TSHZ1: variants seen among roughly 807,000 people sequenced by gnomAD.
TSHZ1 encodes teashirt zinc finger homeobox 1, also known as teashirt homolog 1.
TSHZ1 carries 12 observed loss-of-function variants against 67.1 expected under a neutral mutation model. That is an observed-to-expected ratio of 0.18 (90% confidence interval 0.11 to 0.29). The LOEUF (loss-of-function observed/expected upper bound fraction) is 0.29, where lower values mean the gene tolerates loss of function less well. Ranked by LOEUF, TSHZ1 falls within the 10% of genes least tolerant of loss-of-function variation. The pLI, the probability that TSHZ1 is intolerant of heterozygous loss-of-function variation, is 1.00. For missense variants in TSHZ1, 1,305 were observed against 1,413.9 expected, an observed-to-expected ratio of 0.92 and a Z score of 1.23; for synonymous variants, 632 against 622.4, an observed-to-expected ratio of 1.02 and a Z score of -0.23.
In TSHZ1 at chr18:75,211,414, G is replaced by A. The variant is rs2022681698; in HGVS notation, c.-463G>A. Reference sequence around the variant, plus strand: ...CCCAAACAGCGAGGAGAGAGGGGGAGAGAAAGTTGCGCTCGGCGACTCTCG... The same window carrying A: ...CCCAAACAGCGAGGAGAGAGGGGGAAAGAAAGTTGCGCTCGGCGACTCTCG... On this transcript the variant is annotated 5_prime_UTR_variant, in exon 1 of 2. Coordinates refer to ENST00000580243, the MANE Select transcript of TSHZ1 (RefSeq NM_001308210.2). 6.6e-6 allele frequency: 1 copy of A among 151,870 alleles called. No individual in the cohort carries two copies. Among genetic ancestry groups the A allele is most frequent in the Non-Finnish European group, 1.5e-5 (1 of 67,928 alleles). 9.4% of individuals were successfully genotyped at this position (151,870 alleles called of 1,614,324 possible).
chr18:75,243,420 C>T (rs778152703), intron 1 of TSHZ1, among the ~76,000 whole-genome samples: 3 of 151,978 alleles, frequency 2.0e-5, no homozygotes, highest in Non-Finnish European at 4.4e-5. Flanking sequence ...GTGTATACCT[C>T]TCTTAATGAA....
intron 1 of TSHZ1, among the ~76,000 whole-genome samples, chr18:75,236,229 C>T (rs952815225): frequency 5.9e-5 from 9 of 152,214 alleles, no homozygotes; most frequent in African/African-American, 2.2e-4. Context: ...GTGTGTGTCT[C>T]AGCTGTTCTT....
At chr18:75,239,694 G>A (rs1417751646) in intron 1 of TSHZ1, among the ~76,000 whole-genome samples, 1 of 152,188 alleles carries the variant, frequency 6.6e-6, no homozygotes, top group Non-Finnish European at 1.5e-5. Flanking sequence ...TGTAGAGGCA[G>A]AGTCTTGCTG....
intron 1 of TSHZ1, among the ~76,000 whole-genome samples, chr18:75,244,003 A>G (rs4891249): frequency 3.3e-5 from 5 of 152,004 alleles, no homozygotes; most frequent in Admixed American, 6.5e-5. Flanking sequence ...TTTCTAATAC[A>G]TAAAGCAATA....
intron 1 of TSHZ1, among the ~76,000 whole-genome samples, chr18:75,232,068 A>G (rs909623632): frequency 2.0e-5 from 3 of 151,684 alleles, no homozygotes; most frequent in Non-Finnish European, 4.4e-5. Flanking sequence ...ACAGGCCACA[A>G]TGTCTGGCTA....
At chr18:75,221,132 C>T (rs2022840065) in intron 1 of TSHZ1, 1 of 152,164 alleles carries the variant, frequency 6.6e-6, no homozygotes, top group South Asian at 2.1e-4. Flanking sequence ...TCTGCCTCAA[C>T]TTGCTAGCTG....
intron 1 of TSHZ1, among the ~76,000 whole-genome samples, chr18:75,261,841 C>A (rs963246229): frequency 6.6e-6 from 1 of 152,142 alleles, no homozygotes. Context: ...TATAGGATAA[C>A]CTTACAAATC....
chr18:75,225,101 G>A (rs750640507), intron 1 of TSHZ1, among the ~76,000 whole-genome samples: 1 of 151,932 alleles, frequency 6.6e-6, no homozygotes, highest in South Asian at 2.1e-4. Flanking sequence ...CAACTTCTGG[G>A]CCCTCCTGCC....
intron 1 of TSHZ1, among the ~76,000 whole-genome samples, chr18:75,245,718 G>A (rs527822074): frequency 4.6e-5 from 7 of 152,252 alleles, no homozygotes; most frequent in South Asian, 2.1e-4. Flanking sequence ...CCGGGAAGTC[G>A]TTGTCTTATC....
Position 75,226,653 on chromosome 18 carries a change from G to A in TSHZ1, c.40+14737G>A, listed in dbSNP as rs542488364. On this transcript the variant is annotated intron_variant, in intron 1 of 1. Transcript: ENST00000580243. ...CCTCATACAGGGCACAGACACACTC[G>A]ATGCCAAAAAGTTGATTTCCTTTTC... 1.4e-4 allele frequency among the ~76,000 whole-genome samples: 21 copies of A among 150,218 alleles called. 1 individual carries two copies. The highest frequency in any genetic ancestry group is 3.7e-4 in the African/African-American group (15 of 40,606).
chr18:75,289,889 A>G lies in TSHZ1; in HGVS notation c.*1248A>G, dbSNP rs2023838194. On this transcript the variant is annotated 3_prime_UTR_variant, in exon 2 of 2. Transcript: ENST00000580243. Reference sequence around the variant, plus strand: ...TGTACAGTACATTTTGGTTCACACAATTAAATCCACTGTTTTCTCAGATGT... The same window carrying G: ...TGTACAGTACATTTTGGTTCACACAGTTAAATCCACTGTTTTCTCAGATGT... 6.0e-6 allele frequency: 1 copy of G among 167,124 alleles called. No individual in the cohort carries two copies. The highest frequency in any genetic ancestry group is 1.5e-5 in the Non-Finnish European group (1 of 68,126). The allele number at this position is 167,124 out of a possible 1,614,324, so 10.4% of individuals were successfully genotyped here.
chr18:75,211,809 G>C lies in TSHZ1; in HGVS notation c.-68G>C. On this transcript the variant is annotated 5_prime_UTR_variant, in exon 1 of 2. Transcript: ENST00000580243. ...GCCGCGGAGTTGCGCCCGCGCCCGG[G>C]GCCCCGCGTCCCCGCGCCCCGCGAA... 1 of 1,032,946 alleles carries C rather than the reference G, an allele frequency of 9.7e-7. No individual in the cohort carries two copies. Among genetic ancestry groups the C allele is most frequent in the Non-Finnish European group, 1.2e-6 (1 of 859,010 alleles). 64.0% of individuals were successfully genotyped at this position (1,032,946 alleles called of 1,614,324 possible).
At chr18:75,266,672 C>G (rs2023493929) in intron 1 of TSHZ1, among the ~76,000 whole-genome samples, 1 of 152,182 alleles carries the variant, frequency 6.6e-6, no homozygotes, top group Non-Finnish European at 1.5e-5. Flanking sequence ...CTACCACCTG[C>G]AGACTGCAAT....
In TSHZ1 at chr18:75,286,810, T is replaced by C; in HGVS notation, c.1403T>C (p.Ile468Thr). 6.2e-7 allele frequency: 1 copy of C among 1,613,718 alleles called. No homozygotes were observed. Residue 468 changes from isoleucine to threonine, a missense_variant, in exon 2 of 2, where the codon ATC becomes ACC. This residue lies in a region of TSHZ1 where 909 missense variants were observed against 961.8 expected (regional missense o/e 0.95). Coordinates refer to ENST00000580243, the MANE Select transcript of TSHZ1 (RefSeq NM_001308210.2). The surrounding 1 kb of genome is among the most constrained non-coding windows in gnomAD (Gnocchi z 5.1). ...GTGGTGGAAGAGAAGATCCAGTCCATCCCACTACCGCCCACCACCCACACG... is the reference window on the plus strand; with the variant it reads ...GTGGTGGAAGAGAAGATCCAGTCCACCCCACTACCGCCCACCACCCACACG... ...DPVVEEKIQS[I>T]PLPPTTHTRL...
At chr18:75,258,566 A>G (rs1434578234) in intron 1 of TSHZ1, among the ~76,000 whole-genome samples, 1 of 152,210 alleles carries the variant, frequency 6.6e-6, no homozygotes, top group Non-Finnish European at 1.5e-5. Flanking sequence ...CTAGAGAATG[A>G]CTTTCTGTAA....
chr18:75,244,922 GT>G, intron 1 of TSHZ1, among the ~76,000 whole-genome samples: 1 of 152,160 alleles, frequency 6.6e-6, no homozygotes, highest in South Asian at 2.1e-4. Flanking sequence ...ATATGTGAAC[GT>G]TTGTCTCTTC....
rs35073557 is a variant in TSHZ1, at chr18:75,288,176, G to A, written c.2769G>A (p.Pro923=). The change falls in exon 2 of 2, where the codon CCG becomes CCA. Residue 923 remains proline, a synonymous_variant. Coordinates refer to ENST00000580243, the MANE Select transcript of TSHZ1 (RefSeq NM_001308210.2). The surrounding 1 kb of genome is among the most constrained non-coding windows in gnomAD (Gnocchi z 4.9). ...AGTACATCATGTCGGACTTGGGCCC[G>A]CAGGAGAGGGTGCACATCTCGAAGT... ...EGKYIMSDLG[P]QERVHISKFT... The A allele has an allele frequency of 2.5e-3, 4,015 of 1,614,156 alleles. 81 individuals are homozygous for A. In the African/African-American group the frequency reaches 0.046, roughly 19 times the overall value.
Position 75,281,007 on chromosome 18 carries a change from T to C in TSHZ1, c.41-4441T>C, listed in dbSNP as rs367815707. On this transcript the variant is annotated intron_variant, in intron 1 of 1. Coordinates refer to ENST00000580243, the MANE Select transcript of TSHZ1 (RefSeq NM_001308210.2). The surrounding 1 kb of genome is among the most constrained non-coding windows in gnomAD (Gnocchi z 5.3). ...AGGGGAAGGGCTGCCTGGGACCAGA[T>C]AGATAGAGCGGGCTGGGCACAGAGG... 6.8e-6 allele frequency among the ~76,000 whole-genome samples: 1 copy of C among 147,838 alleles called. No individual in the cohort carries two copies. The highest frequency in any genetic ancestry group is 1.5e-5 in the Non-Finnish European group (1 of 64,922).
At chr18:75,218,550 A>G (rs1032768370) in intron 1 of TSHZ1, among the ~76,000 whole-genome samples, 1 of 152,320 alleles carries the variant, frequency 6.6e-6, no homozygotes, top group African/African-American at 2.4e-5. Flanking sequence ...CTACGAGACT[A>G]TGGTTCAAAA....
Sources: allele counts gnomAD v4.1 joint callset (sites outside exome capture counted in the v4.1 genomes callset), GRCh38; gene constraint gnomAD v4.1.1; regional missense constraint gnomAD v4.1.1; non-coding constraint Gnocchi (gnomAD v3.1); transcripts MANE v1.5; gene names NCBI Gene and HGNC (gene_info 2026-07-23, HGNC 2026-07-21).